The following ADAMTS13 variants were observed in gnomAD, a reference collection of about 807,000 sequenced individuals.
ADAMTS13 encodes ADAM metallopeptidase with thrombospondin type 1 motif 13, also known as A disintegrin and metalloproteinase with thrombospondin motifs 13.
A neutral mutation model predicts 155.1 loss-of-function variants in ADAMTS13; 110 were observed. That is an observed-to-expected ratio of 0.71 (90% CI 0.61 to 0.83). ADAMTS13 has a LOEUF of 0.83. Among genes scored for constraint, ADAMTS13 ranks in the 40% least tolerant of loss-of-function variants. ADAMTS13 has a pLI of 0.00. For missense variants in ADAMTS13, 1,707 were observed against 1,891.7 expected, an observed-to-expected ratio of 0.90 and a Z score of 1.81; for synonymous variants, 758 against 756.4, an observed-to-expected ratio of 1.00 and a Z score of -0.03.
chr9:133,422,690 T>A, intron 1 of ADAMTS13, 142 bp downstream of exon 1: 2 of 791,366 alleles, frequency 2.5e-6, no homozygotes, highest in African/African-American at 1.7e-5. Context: ...TACTTGGGGC[T>A]TTGGGGGATG....
intron 11 of ADAMTS13, among the ~76,000 whole-genome samples, chr9:133,435,654 C>T (rs71503195): frequency 4.6e-5 from 7 of 151,602 alleles, no homozygotes; most frequent in Non-Finnish European, 7.4e-5. Flanking sequence ...CTCAGCTTCC[C>T]GAATAGCTGG....
Position 133,424,129 on chromosome 9 carries a change from C to T in ADAMTS13, c.173-192C>T, listed in dbSNP as rs1232726054. Reference sequence around the variant, plus strand: ...GGGTGACCCAAAGCACACAATAGCCCAACAGCTCCTCCTGGGCCCTGCCCT... The same window carrying T: ...GGGTGACCCAAAGCACACAATAGCCTAACAGCTCCTCCTGGGCCCTGCCCT... On this transcript the variant is annotated intron_variant, in intron 2 of 28. Transcript: ENST00000355699. The surrounding 1 kb of genome is among the most constrained non-coding windows in gnomAD (Gnocchi z 4.3). Among the ~76,000 whole-genome samples, 6 of 152,232 alleles carry T rather than the reference C, an allele frequency of 3.9e-5. No homozygotes were observed. Among genetic ancestry groups the T allele is most frequent in the Admixed American group, 3.3e-4 (5 of 15,282 alleles).
chr9:133,414,567 T>A, exon 1 of ADAMTS13: 1 of 1,020,502 alleles, frequency 9.8e-7, no homozygotes, highest in Non-Finnish European at 1.6e-6. Context: ...GGTAAAGTGA[T>A]GGAGAGACTG....
chr9:133,453,586 C>T (rs587604778), intron 23 of ADAMTS13, among the ~76,000 whole-genome samples: 1 of 152,322 alleles, frequency 6.6e-6, no homozygotes, highest in Non-Finnish European at 1.5e-5. Flanking sequence ...GGCTTGAACC[C>T]TGGAGGTTGA....
Position 133,456,308 on chromosome 9 carries a change from T to C in ADAMTS13, c.3547+93T>C, listed in dbSNP as rs1554795967. The C allele has an allele frequency of 6.3e-7, 1 of 1,582,148 alleles. No homozygotes were observed. The highest frequency in any genetic ancestry group is 8.6e-7 in the Non-Finnish European group (1 of 1,160,976). On this transcript the variant is annotated intron_variant, in intron 26 of 28. Transcript: ENST00000355699. This position sits in a 1 kb window ranked among gnomAD's most constrained non-coding sequence, Gnocchi z 4.4. ...ATGCCCCATTCCTGGCAGGAGCCCA[T>C]GTGCATTCCCACCTGTAGTTTGCAT... is the stretch of plus-strand genomic sequence containing the variant.
At position 133,429,936 on chromosome 9, in the gene ADAMTS13, C is replaced by T. The variant is rs2130805729; in HGVS notation, c.825-3C>T. On this transcript the variant is annotated splice_polypyrimidine_tract_variant and splice_region_variant and intron_variant, in intron 7 of 28. Coordinates refer to ENST00000355699, the MANE Select transcript of ADAMTS13 (RefSeq NM_139027.6). ...GCCGGGCCTGAGCCGGGCCTTGTCG[C>T]AGCGCAGGACGGGCGCGCTGCGTGT... 6.5e-7 allele frequency: 1 copy of T among 1,534,962 alleles called. No homozygotes were observed. The highest frequency in any genetic ancestry group is 2.5e-5 in the East Asian group (1 of 40,814).
Position 133,430,414 on chromosome 9 carries a change from T to G in ADAMTS13, c.987+313T>G, listed in dbSNP as rs36219896. ...AACAGTTACCAAGGACTTCCCCATC[T>G]ATTGTGGCTGGAGTCAGACTGGAGG... On this transcript the variant is annotated intron_variant, in intron 8 of 28. Coordinates refer to ENST00000355699, the MANE Select transcript of ADAMTS13 (RefSeq NM_139027.6). Among the ~76,000 whole-genome samples, 5,563 of 152,178 alleles carry G rather than the reference T, an allele frequency of 0.037. 308 individuals are homozygous for G. The highest frequency in any genetic ancestry group is 0.12 in the African/African-American group (4,940 of 41,508).
upstream of ADAMTS13, among the ~76,000 whole-genome samples, chr9:133,417,384 G>T (rs1933266622): frequency 6.6e-6 from 1 of 152,248 alleles, no homozygotes; most frequent in Admixed American, 6.5e-5. Context: ...TATGCAAAAG[G>T]TACAAGGGTT....
At chr9:133,437,705 C>T in intron 12 of ADAMTS13, 44 bp from the exon 13 acceptor site, 1 of 1,612,820 alleles carries the variant, frequency 6.2e-7, no homozygotes, top group Non-Finnish European at 8.5e-7. Flanking sequence ...GGACTTGCCC[C>T]TCCTGCTCGG....
intron 21 of ADAMTS13, among the ~76,000 whole-genome samples, chr9:133,447,305 T>TCTTTC (rs72155876): frequency 6.6e-6 from 1 of 151,860 alleles, no homozygotes; most frequent in African/African-American, 2.4e-5. Context: ...TCTTTTCTTT[T>TCTTTC]TTGAGACAAA....
rs1003537889 is a variant in ADAMTS13 at position 133,432,578 on chromosome 9, A to G, written c.988-10A>G. 1.3e-6 allele frequency: 2 copies of G among 1,549,828 alleles called. No individual in the cohort carries two copies. The highest frequency in any genetic ancestry group is 8.7e-7 in the Non-Finnish European group (1 of 1,146,916). ...CCCTGAGCTCGCCACCCACCTGTCC[A>G]CCCTCCTAGGATATGTGCCAGGCCC... On this transcript the variant is annotated splice_polypyrimidine_tract_variant and intron_variant, in intron 8 of 28. Coordinates refer to ENST00000355699, the MANE Select transcript of ADAMTS13 (RefSeq NM_139027.6).
upstream of ADAMTS13, among the ~76,000 whole-genome samples, chr9:133,420,239 C>T (rs1380901241): frequency 2.6e-5 from 4 of 152,274 alleles, no homozygotes; most frequent in East Asian, 7.7e-4. Context: ...CGGGGTTTCA[C>T]TATGCTGGCC....
chr9:133,438,412 C>T lies in ADAMTS13; in HGVS notation c.1705+46C>T, dbSNP rs782397497. The T allele has an allele frequency of 1.9e-6, 3 of 1,609,412 alleles. No individual in the cohort carries two copies. The South Asian group carries it at 3.3e-5, about 18-fold the overall frequency. ...CAGAGGCTGGGCTTCCCCCAGCCTC[C>T]AAGATGGCCACAGCCCAGAGCGTTG... On this transcript the variant is annotated intron_variant, in intron 14 of 28. Transcript: ENST00000355699.
At chr9:133,448,815 AG>A in intron 22 of ADAMTS13, 87 bp downstream of exon 22, 1 of 1,534,720 alleles carries the variant, frequency 6.5e-7, no homozygotes, top group Admixed American at 1.9e-5. Context: ...TGACCTGCGG[AG>A]GGGGGCAGGT....
chr9:133,440,694 GCTC>G lies in ADAMTS13; in HGVS notation c.1968+174_1968+176del, dbSNP rs1554790517. ...CCCTGTGCTAGGCAAAATGTAGCTAGCTCCTCCAGGGGCTTAGGGTCCCACAAA... is the reference window on the plus strand; with the variant it reads ...CCCTGTGCTAGGCAAAATGTAGCTAGCTCCAGGGGCTTAGGGTCCCACAAA... On this transcript the variant is annotated intron_variant, in intron 16 of 28. Transcript: ENST00000355699. The surrounding 1 kb of genome is among the most constrained non-coding windows in gnomAD (Gnocchi z 4.3). Among the ~76,000 whole-genome samples the G allele has an allele frequency of 6.6e-6, 1 of 152,176 alleles. No homozygotes were observed. Among genetic ancestry groups the G allele is most frequent in the Non-Finnish European group, 1.5e-5 (1 of 68,034 alleles).
At chr9:133,415,411 C>CTTT (rs11428403) in intron 1 of ADAMTS13, among the ~76,000 whole-genome samples, 13 of 143,618 alleles carry the variant, frequency 9.1e-5, no homozygotes, top group African/African-American at 2.8e-4. Context: ...ACAGAAATCG[C>CTTT]TTTTTTTTTT....
At position 133,445,788 on chromosome 9, in the gene ADAMTS13, G is replaced by C. The variant is rs782742222; in HGVS notation, c.2700G>C (p.Ala900=). 1.3e-6 allele frequency: 2 copies of C among 1,596,722 alleles called. No individual in the cohort carries two copies. The highest frequency in any genetic ancestry group is 3.4e-5 in the Admixed American group (2 of 59,456). The change falls in exon 21 of 29, where the codon GCG becomes GCC. Residue 900 remains alanine, a synonymous_variant. Transcript: ENST00000355699. The surrounding 1 kb of genome is among the most constrained non-coding windows in gnomAD (Gnocchi z 5.0). Reference sequence around the variant, plus strand: ...AAGCTGCACACGTGTGGACCCCTGCGGCAGGGTCGTGCTCCGTCTCCTGCG... The same window carrying C: ...AAGCTGCACACGTGTGGACCCCTGCCGCAGGGTCGTGCTCCGTCTCCTGCG... ...GAQAAHVWTP[A]AGSCSVSCGR...
At position 133,439,454 on chromosome 9, in the gene ADAMTS13, G is replaced by A. The variant is rs1471511075; in HGVS notation, c.1786+8G>A. 4 of 1,610,892 alleles carry A rather than the reference G, an allele frequency of 2.5e-6. No individual in the cohort carries two copies. The African/African-American group carries it at 4.0e-5, about 16-fold the overall frequency. On this transcript the variant is annotated splice_region_variant and intron_variant, in intron 15 of 28. Transcript: ENST00000355699. ...CTCTCTTCACACACTTGGGTGAGTT[G>A]ACTGGAGGACTCCCACCCAGTTAGC...
upstream of ADAMTS13, among the ~76,000 whole-genome samples, chr9:133,420,443 A>G (rs1220912531): frequency 6.6e-6 from 1 of 152,256 alleles, no homozygotes; most frequent in Admixed American, 6.5e-5. Flanking sequence ...GGTGCATTCC[A>G]GGGAACAAAG....
Sources: allele counts gnomAD v4.1 joint callset (sites outside exome capture counted in the v4.1 genomes callset), GRCh38; gene constraint gnomAD v4.1.1; non-coding constraint Gnocchi (gnomAD v3.1); transcripts MANE v1.5; gene names NCBI Gene and HGNC (gene_info 2026-07-23, HGNC 2026-07-21).